The following ATP6V1H variants were observed in gnomAD, a reference collection of about 807,000 sequenced individuals.
ATP6V1H encodes the protein V-type proton ATPase subunit H.
Under a neutral mutation model 71.7 loss-of-function variants are expected in ATP6V1H, and 39 were observed. The observed-to-expected ratio is 0.54, with a 90% confidence interval of 0.42 to 0.71. ATP6V1H has a LOEUF of 0.71. Among genes scored for constraint, ATP6V1H ranks in the 30% least tolerant of loss-of-function variants. The pLI, the probability that ATP6V1H is intolerant of heterozygous loss-of-function variation, is 0.00. For synonymous variants in ATP6V1H, 192 were observed against 199.3 expected, an observed-to-expected ratio of 0.96 and a Z score of 0.31; for missense variants, 509 against 594.9, an observed-to-expected ratio of 0.86 and a Z score of 1.50.
Position 53,755,712 on chromosome 8 carries a change from AT to A in ATP6V1H, c.1277+842del, listed in dbSNP as rs1563451036. 6.9e-3 allele frequency among the ~76,000 whole-genome samples: 34 copies of A among 4,940 alleles called. 3 individuals are homozygous for A. Among genetic ancestry groups the A allele is most frequent in the East Asian group, 0.043 (16 of 376 alleles). 3.2% of individuals were successfully genotyped at this position (4,940 alleles called of 152,430 possible). A position where few individuals can be genotyped will look rare whatever the true frequency, so the allele number is the denominator to read the frequency against. ...TATATATATATATATATATATATATATATATATATATATATATATATATATA... is the reference window on the plus strand; with the variant it reads ...TATATATATATATATATATATATATAATATATATATATATATATATATATA... On this transcript the variant is annotated intron_variant, in intron 12 of 13. Coordinates refer to ENST00000359530, the MANE Select transcript of ATP6V1H (RefSeq NM_015941.4).
chr8:53,801,932 A>C lies in ATP6V1H; in HGVS notation c.580-36T>G, dbSNP rs201744985. ...AGAAGTGTTGAGTTTTTAAATGGGA[A>C]GCATTTAAAGTCATGCGATCAGACA... On this transcript the variant is annotated intron_variant, in intron 7 of 13. Coordinates refer to ENST00000359530, the MANE Select transcript of ATP6V1H (RefSeq NM_015941.4). The C allele has an allele frequency of 5.8e-5, 90 of 1,557,068 alleles. No homozygotes were observed. The East Asian group carries it at 7.2e-4, about 12-fold the overall frequency.
chr8:53,775,322 G>C (rs942467023), intron 9 of ATP6V1H, among the ~76,000 whole-genome samples: 2 of 152,320 alleles, frequency 1.3e-5, no homozygotes, highest in East Asian at 1.9e-4. Context: ...TTATTGCAAA[G>C]AGCGAAAGAA....
intron 6 of ATP6V1H, among the ~76,000 whole-genome samples, chr8:53,814,197 A>T (rs1810372588): frequency 6.6e-6 from 1 of 152,136 alleles, no homozygotes; most frequent in Non-Finnish European, 1.5e-5. Flanking sequence ...CCAAAAACCA[A>T]GATTTCTCGC....
intron 4 of ATP6V1H, among the ~76,000 whole-genome samples, chr8:53,821,565 C>T (rs910136435): frequency 6.6e-6 from 1 of 151,248 alleles, no homozygotes. Flanking sequence ...CCTGTAATAC[C>T]AGCTACTACT....
chr8:53,760,424 G>C (rs1299806099), intron 11 of ATP6V1H, among the ~76,000 whole-genome samples: 1 of 152,172 alleles, frequency 6.6e-6, no homozygotes, highest in Non-Finnish European at 1.5e-5. Context: ...GGAAACCCCG[G>C]AACTATGCCA....
intron 4 of ATP6V1H, among the ~76,000 whole-genome samples, chr8:53,827,651 T>C (rs1585833180): frequency 6.6e-6 from 1 of 152,072 alleles, no homozygotes; most frequent in African/African-American, 2.4e-5. Flanking sequence ...TGTGCCGGTG[T>C]GTTATATTGG....
Position 53,834,187 on chromosome 8 carries a change from T to C in ATP6V1H, c.114-1101A>G, listed in dbSNP as rs189134184. On this transcript the variant is annotated intron_variant, in intron 2 of 13. Transcript: ENST00000359530. ...GAATTTGAGTCAATATGGGGAAGAG[T>C]TCCAGTTCCAGGTGTGAAAGCTTAG... Among the ~76,000 whole-genome samples, 322 of 151,972 alleles carry C rather than the reference T, an allele frequency of 2.1e-3. 1 individual carries two copies. Among genetic ancestry groups the C allele is most frequent in the African/African-American group, 6.1e-3 (254 of 41,426 alleles).
At chr8:53,820,981 CAA>C (rs749738155) in intron 4 of ATP6V1H, among the ~76,000 whole-genome samples, 14 of 54,452 alleles carry the variant, frequency 2.6e-4, no homozygotes, top group Admixed American at 4.1e-4. Context: ...AACTCTGTCT[CAA>C]AAAAAAAAAA....
chr8:53,831,068 T>A (rs145160601), intron 3 of ATP6V1H, among the ~76,000 whole-genome samples: 42 of 152,296 alleles, frequency 2.8e-4, no homozygotes, highest in African/African-American at 1.0e-3. Flanking sequence ...TGCACAAAGC[T>A]GGTATACTTA....
At chr8:53,754,875 G>T (rs1031294303) in intron 12 of ATP6V1H, among the ~76,000 whole-genome samples, 1 of 152,198 alleles carries the variant, frequency 6.6e-6, no homozygotes, top group African/African-American at 2.4e-5. Flanking sequence ...GGCGAGACTG[G>T]CCTATTTGTC....
Position 53,841,651 on chromosome 8 carries a change from C to G in ATP6V1H, c.40G>C (p.Val14Leu). The part of the protein sequence containing the change: ...MDIRGAVDAA[V>L]PTNIIAAKAA... ...TTGGCAGCAATAATATTGGTGGGGA[C>G]AGCAGCATCCACAGCACCTCGGATA... The change falls in exon 2 of 14, where the codon GTC (valine) becomes CTC (leucine). Residue 14 changes from valine to leucine, a missense_variant. This residue lies in a region of ATP6V1H where 297 missense variants were observed against 303.3 expected (regional missense o/e 0.98). Coordinates refer to ENST00000359530, the MANE Select transcript of ATP6V1H (RefSeq NM_015941.4). The G allele has an allele frequency of 1.2e-6, 2 of 1,614,078 alleles. No homozygotes were observed. The highest frequency in any genetic ancestry group is 1.7e-6 in the Non-Finnish European group (2 of 1,179,958).
chr8:53,823,065 A>T (rs1810711334), intron 4 of ATP6V1H, among the ~76,000 whole-genome samples: 1 of 152,176 alleles, frequency 6.6e-6, no homozygotes, highest in African/African-American at 2.4e-5. Context: ...TTAGTACAAA[A>T]AAAACCAGAC....
rs1186717220 is a variant in ATP6V1H, at chr8:53,795,770, G to A, written c.747C>T (p.Leu249=). Residue 249 remains leucine (L), a synonymous_variant, in exon 9 of 14, where the codon CTC becomes CTT. Coordinates refer to ENST00000359530, the MANE Select transcript of ATP6V1H (RefSeq NM_015941.4). ...LQYQMIFSIW[L]LAFSPQMCEH... The stretch of plus-strand genomic sequence containing the variant: ...CACACATTTGAGGACTGAATGCCAG[G>A]AGCCATATTGAAAAAATCATTTGAT... 3.7e-6 allele frequency: 6 copies of A among 1,613,904 alleles called. No homozygotes were observed. Among genetic ancestry groups the A allele is most frequent in the South Asian group, 1.1e-5 (1 of 91,068 alleles).
chr8:53,806,690 C>A, intron 7 of ATP6V1H: 1 of 361,572 alleles, frequency 2.8e-6, no homozygotes, highest in Non-Finnish European at 5.5e-6. Context: ...GTTATCAGTG[C>A]TATACTTTGA....
intron 9 of ATP6V1H, among the ~76,000 whole-genome samples, chr8:53,789,247 AAAAC>A (rs1332204382): frequency 3.9e-5 from 6 of 152,228 alleles, no homozygotes; most frequent in African/African-American, 7.2e-5. Context: ...GATTCAGTGA[AAAAC>A]AAAGGAAGAG....
intron 12 of ATP6V1H, among the ~76,000 whole-genome samples, chr8:53,755,713 TA>T (rs1808008637): frequency 4.9e-4 from 3 of 6,104 alleles, no homozygotes; most frequent in African/African-American, 2.4e-3. Flanking sequence ...TATATATATA[TA>T]TATATATATA....
chr8:53,838,823 C>A (rs1811255514), intron 2 of ATP6V1H, among the ~76,000 whole-genome samples: 1 of 152,166 alleles, frequency 6.6e-6, no homozygotes, highest in Non-Finnish European at 1.5e-5. Context: ...GGGCTCTCGA[C>A]ACTGGGGGAC....
At chr8:53,815,024 G>A (rs1490819336) in intron 5 of ATP6V1H, among the ~76,000 whole-genome samples, 2 of 152,042 alleles carry the variant, frequency 1.3e-5, no homozygotes, top group Non-Finnish European at 2.9e-5. Flanking sequence ...ATTATTTTGA[G>A]TTTCAAAAGT....
At chr8:53,823,294 T>C (rs1715993059) in intron 4 of ATP6V1H, among the ~76,000 whole-genome samples, 1 of 152,194 alleles carries the variant, frequency 6.6e-6, no homozygotes, top group South Asian at 2.1e-4. Context: ...AAACATGATA[T>C]TTTGAAATCT....
Sources: gnomAD v4.1 joint callset for allele counts (sites outside exome capture counted in the v4.1 genomes callset) on GRCh38, gnomAD v4.1.1 for gene constraint, gnomAD v4.1.1 regional missense constraint, MANE v1.5 for transcripts, NCBI Gene and HGNC (gene_info 2026-07-23, HGNC 2026-07-21) for gene names.